MAML2: variants seen among roughly 807,000 people sequenced by gnomAD.
MAML2 encodes the protein mastermind-like protein 2.
MAML2 carries 22 observed loss-of-function variants against 96.1 expected under a neutral mutation model. The observed-to-expected ratio is 0.23, with a 90% confidence interval of 0.16 to 0.33. MAML2 has a LOEUF of 0.33. MAML2 is among the 10% of genes least tolerant of loss of function. The probability of loss-of-function intolerance (pLI) is 1.00; values close to 1 mark genes in which losing one functional copy is unlikely to be tolerated. For missense variants in MAML2, 1,367 were observed against 1,392.4 expected, an observed-to-expected ratio of 0.98 and a Z score of 0.29; for synonymous variants, 561 against 521.3, an observed-to-expected ratio of 1.08 and a Z score of -1.04.
At chr11:96,122,751 T>G (rs1372883088) in intron 1 of MAML2, among the ~76,000 whole-genome samples, 1 of 152,178 alleles carries the variant, frequency 6.6e-6, no homozygotes, top group African/African-American at 2.4e-5. Flanking sequence ...AAAGCTCAAT[T>G]ATACCATTCT....
At chr11:96,128,726 C>G (rs1860494451) in intron 1 of MAML2, among the ~76,000 whole-genome samples, 1 of 152,138 alleles carries the variant, frequency 6.6e-6, no homozygotes, top group African/African-American at 2.4e-5. Context: ...AACATGGAAA[C>G]AGCTCAAATG....
intron 1 of MAML2, among the ~76,000 whole-genome samples, chr11:96,212,105 CAAAG>C (rs1861979799): frequency 1.8e-5 from 2 of 108,258 alleles, no homozygotes; most frequent in Admixed American, 2.1e-4. Flanking sequence ...AAAAGGAAGA[CAAAG>C]TGTGTGTGTG....
rs1857666524 is a variant in MAML2 at position 95,977,488 on chromosome 11, G to A, written c.*1460C>T. The A allele has an allele frequency of 5.2e-6, 1 of 193,188 alleles. No homozygotes were observed. The highest frequency in any genetic ancestry group is 1.1e-5 in the Non-Finnish European group (1 of 92,608). 12.0% of individuals were successfully genotyped at this position (193,188 alleles called of 1,614,324 possible). A position where few individuals can be genotyped will look rare whatever the true frequency, so the allele number is the denominator to read the frequency against. Reference sequence around the variant, plus strand: ...AAGACTTGATTATTAAATAACTTCAGCTAAATTACATTTGATATTTGAATA... The same window carrying A: ...AAGACTTGATTATTAAATAACTTCAACTAAATTACATTTGATATTTGAATA... On this transcript the variant is annotated 3_prime_UTR_variant, in exon 5 of 5. Transcript: ENST00000524717.
intron 2 of MAML2, among the ~76,000 whole-genome samples, chr11:96,086,194 T>C (rs966014001): frequency 5.9e-5 from 9 of 152,162 alleles, no homozygotes; most frequent in African/African-American, 1.9e-4. Flanking sequence ...ATTATATGAG[T>C]ATGAAGGGGG....
intron 1 of MAML2, among the ~76,000 whole-genome samples, chr11:96,260,795 C>CAAAA (rs113056889): frequency 7.3e-6 from 1 of 137,818 alleles, no homozygotes; most frequent in Non-Finnish European, 1.6e-5. Flanking sequence ...TATTTGCAGG[C>CAAAA]AAAAAAAAAA....
At chr11:96,333,813 A>G (rs1198885561) in intron 1 of MAML2, among the ~76,000 whole-genome samples, 1 of 152,262 alleles carries the variant, frequency 6.6e-6, no homozygotes, top group Non-Finnish European at 1.5e-5. Context: ...CTTAAGAATT[A>G]TTCATTAATT....
chr11:96,058,989 C>T (rs191549311), intron 2 of MAML2, among the ~76,000 whole-genome samples: 1,575 of 152,116 alleles, frequency 0.01, 24 homozygotes, highest in African/African-American at 0.036. Flanking sequence ...GGCTGAGGCA[C>T]GAGAATTGCT....
At chr11:96,335,861 C>CTT (rs1863914348) in intron 1 of MAML2, among the ~76,000 whole-genome samples, 2 of 152,142 alleles carry the variant, frequency 1.3e-5, no homozygotes, top group Admixed American at 6.5e-5. Flanking sequence ...TCCCCAAACA[C>CTT]TTAACTTACA....
rs1864012294 is a variant in MAML2 at position 96,342,499 on chromosome 11, T to C, written c.-604A>G. On this transcript the variant is annotated 5_prime_UTR_variant, in exon 1 of 5. Transcript: ENST00000524717. ...AGTGCTGTTTCAGAAGATGTTTAAG[T>C]CACTGTTCAAAATGTGCAAAAATCA... 7.5e-6 allele frequency: 3 copies of C among 398,556 alleles called. No homozygotes were observed. Among genetic ancestry groups the C allele is most frequent in the Admixed American group, 4.4e-5 (1 of 22,736 alleles). 24.7% of individuals were successfully genotyped at this position (398,556 alleles called of 1,614,324 possible).
intron 1 of MAML2, among the ~76,000 whole-genome samples, chr11:96,167,450 C>T (rs918674335): frequency 3.3e-5 from 5 of 152,218 alleles, no homozygotes; most frequent in Non-Finnish European, 5.9e-5. Context: ...TGTCACTCCC[C>T]TGCCTGAGGA....
intron 2 of MAML2, among the ~76,000 whole-genome samples, chr11:96,020,834 G>T (rs111433487): frequency 1.3e-5 from 2 of 152,262 alleles, no homozygotes; most frequent in African/African-American, 4.8e-5. Flanking sequence ...AGACAGAATG[G>T]CCATTACTCC....
intron 2 of MAML2, among the ~76,000 whole-genome samples, chr11:96,014,470 G>A (rs1279969924): frequency 2.0e-5 from 3 of 152,152 alleles, no homozygotes; most frequent in Admixed American, 2.0e-4. Flanking sequence ...TAACATCGGT[G>A]AACTCTGAAC....
At chr11:96,200,370 C>T (rs1861801979) in intron 1 of MAML2, among the ~76,000 whole-genome samples, 1 of 152,176 alleles carries the variant, frequency 6.6e-6, no homozygotes, top group South Asian at 2.1e-4. Context: ...ATGTCCATTT[C>T]TTGAGTCAGA....
intron 2 of MAML2, among the ~76,000 whole-genome samples, chr11:96,025,769 G>C (rs1858508183): frequency 6.6e-6 from 1 of 151,966 alleles, no homozygotes. Context: ...CACCATGTTG[G>C]CCAGGATCGT....
At chr11:96,217,425 TG>T (rs1862066841) in intron 1 of MAML2, among the ~76,000 whole-genome samples, 1 of 152,230 alleles carries the variant, frequency 6.6e-6, no homozygotes, top group Admixed American at 6.5e-5. Flanking sequence ...ACTTATAGCG[TG>T]GTATGTCAGT....
intron 1 of MAML2, among the ~76,000 whole-genome samples, chr11:96,103,374 G>A (rs1015910390): frequency 7.2e-5 from 11 of 152,122 alleles, no homozygotes; most frequent in African/African-American, 2.7e-4. Context: ...TCTGCCATTG[G>A]CCATGAACCA....
chr11:96,145,188 G>A (rs756866095), intron 1 of MAML2, among the ~76,000 whole-genome samples: 2 of 152,064 alleles, frequency 1.3e-5, no homozygotes, highest in Non-Finnish European at 2.9e-5. Flanking sequence ...CTTTATTTAG[G>A]GCTAAGACCA....
intron 1 of MAML2, among the ~76,000 whole-genome samples, chr11:96,313,796 T>A (rs1863586839): frequency 6.6e-6 from 1 of 152,172 alleles, no homozygotes; most frequent in Non-Finnish European, 1.5e-5. Flanking sequence ...AATATACCCA[T>A]CCTCATGAAG....
chr11:96,161,087 G>C (rs908383755), intron 1 of MAML2, among the ~76,000 whole-genome samples: 1 of 152,226 alleles, frequency 6.6e-6, no homozygotes, highest in Non-Finnish European at 1.5e-5. Flanking sequence ...TATCTCAAGA[G>C]TCAATGAAAA....
Sources: gnomAD v4.1 joint callset for allele counts (sites outside exome capture counted in the v4.1 genomes callset) on GRCh38, gnomAD v4.1.1 for gene constraint, MANE v1.5 for transcripts, NCBI Gene and HGNC (gene_info 2026-07-23, HGNC 2026-07-21) for gene names.